The following CCSER1 variants were observed in gnomAD, a reference collection of about 807,000 sequenced individuals.
The protein encoded by CCSER1 is coiled-coil serine rich protein 1.
A neutral mutation model predicts 82.0 loss-of-function variants in CCSER1; 41 were observed. The observed-to-expected ratio is 0.50, with a 90% CI of 0.39 to 0.65. The LOEUF (loss-of-function observed/expected upper bound fraction) is 0.65, where lower values mean the gene tolerates loss of function less well. CCSER1 is among the 30% of genes least tolerant of loss of function. The pLI, the probability that CCSER1 is intolerant of heterozygous loss-of-function variation, is 0.00. For missense variants in CCSER1, 1,119 were observed against 1,064.2 expected, an observed-to-expected ratio of 1.05 and a Z score of -0.72; for synonymous variants, 414 against 383.9, an observed-to-expected ratio of 1.08 and a Z score of -0.92.
At chr4:90,903,896 CAT>C (rs1725054470) in intron 8 of CCSER1, among the ~76,000 whole-genome samples, 1 of 149,942 alleles carries the variant, frequency 6.7e-6, no homozygotes, top group Non-Finnish European at 1.5e-5. Flanking sequence ...AAGTAGTAAA[CAT>C]AGACATACAT....
At position 91,342,979 on chromosome 4, in the gene CCSER1, C is replaced by A. The variant is rs570246754; in HGVS notation, c.2218-255593C>A. ...AGTTTATTATATTTTTATATGTAAG[C>A]AAATAAATGACATTCCCGTACTAGG... On this transcript the variant is annotated intron_variant, in intron 10 of 10. Transcript: ENST00000509176. Among the ~76,000 whole-genome samples, 3 of 152,014 alleles carry A rather than the reference C, an allele frequency of 2.0e-5. No homozygotes were observed. In the South Asian group the frequency reaches 6.2e-4, roughly 32 times the overall value.
intron 5 of CCSER1, among the ~76,000 whole-genome samples, chr4:90,541,110 TG>T (rs1006828533): frequency 6.6e-6 from 1 of 152,034 alleles, no homozygotes; most frequent in Non-Finnish European, 1.5e-5. Context: ...TCTTTCATCC[TG>T]GCCTGATGCT....
chr4:90,158,410 G>A (rs1728743192), intron 1 of CCSER1, among the ~76,000 whole-genome samples: 1 of 152,208 alleles, frequency 6.6e-6, no homozygotes, highest in Non-Finnish European at 1.5e-5. Flanking sequence ...CCTCAAAGCT[G>A]TCAGACAGGG....
At chr4:90,564,293 T>G (rs887343811) in intron 5 of CCSER1, among the ~76,000 whole-genome samples, 2 of 152,134 alleles carry the variant, frequency 1.3e-5, no homozygotes, top group African/African-American at 2.4e-5. Context: ...GGGCCTCAAG[T>G]GATCCTCCGC....
At chr4:90,472,357 C>A (rs1764513462) in intron 5 of CCSER1, among the ~76,000 whole-genome samples, 1 of 152,040 alleles carries the variant, frequency 6.6e-6, no homozygotes, top group Admixed American at 6.6e-5. Flanking sequence ...TAGTTATATT[C>A]TGATGATAAA....
At chr4:90,799,944 G>A (rs1024021789) in intron 7 of CCSER1, among the ~76,000 whole-genome samples, 5 of 152,176 alleles carry the variant, frequency 3.3e-5, no homozygotes, top group South Asian at 2.1e-4. Flanking sequence ...TTCCCTGGGA[G>A]CCACTGGGGG....
intron 5 of CCSER1, among the ~76,000 whole-genome samples, chr4:90,543,260 T>C (rs1176627082): frequency 6.6e-6 from 1 of 152,116 alleles, no homozygotes; most frequent in Non-Finnish European, 1.5e-5. Context: ...AAAAACACAC[T>C]GAGTTACTAT....
chr4:91,360,247 A>G (rs1431168582), intron 10 of CCSER1, among the ~76,000 whole-genome samples: 1 of 151,798 alleles, frequency 6.6e-6, no homozygotes. Flanking sequence ...TACCAATGCC[A>G]TTTTTCTTCC....
intron 9 of CCSER1, among the ~76,000 whole-genome samples, chr4:91,033,875 T>A (rs1041917217): frequency 3.9e-5 from 6 of 152,180 alleles, no homozygotes; most frequent in Non-Finnish European, 8.8e-5. Context: ...AATATAATGA[T>A]TGACCAATTC....
At chr4:90,825,309 A>G (rs889498004) in intron 8 of CCSER1, among the ~76,000 whole-genome samples, 1 of 152,200 alleles carries the variant, frequency 6.6e-6, no homozygotes, top group African/African-American at 2.4e-5. Flanking sequence ...AAACAGTTGA[A>G]TATTTTGGAT....
chr4:90,913,006 G>A (rs13127482), intron 8 of CCSER1, among the ~76,000 whole-genome samples: 3,463 of 152,278 alleles, frequency 0.023, 55 homozygotes, highest in Middle Eastern at 0.034. Flanking sequence ...CCAAATCTGC[G>A]TCTGATTGGT....
At chr4:91,376,902 C>CCCCCTCTT (rs1553930092) in intron 10 of CCSER1, among the ~76,000 whole-genome samples, 3 of 142,784 alleles carry the variant, frequency 2.1e-5, no homozygotes, top group Admixed American at 7.2e-5. Flanking sequence ...TACTATCCCT[C>CCCCCTCTT]CCCCCACCCA....
At chr4:91,355,012 T>G (rs959907818) in intron 10 of CCSER1, among the ~76,000 whole-genome samples, 1 of 152,146 alleles carries the variant, frequency 6.6e-6, no homozygotes, top group Non-Finnish European at 1.5e-5. Flanking sequence ...TTTTCTTTAT[T>G]TTATTTTGGG....
At chr4:90,854,992 T>TGC (rs1033440335) in intron 8 of CCSER1, among the ~76,000 whole-genome samples, 2 of 151,802 alleles carry the variant, frequency 1.3e-5, no homozygotes, top group African/African-American at 2.4e-5. Context: ...CGAGAGAGTG[T>TGC]GTGTGTGTGT....
At chr4:91,152,399 G>A (rs999918458) in intron 10 of CCSER1, among the ~76,000 whole-genome samples, 2 of 152,120 alleles carry the variant, frequency 1.3e-5, no homozygotes, top group African/African-American at 4.8e-5. Context: ...CCTGAATACA[G>A]CACACTGATG....
intron 4 of CCSER1, among the ~76,000 whole-genome samples, chr4:90,458,639 G>A (rs1035831029): frequency 1.3e-5 from 2 of 152,206 alleles, no homozygotes; most frequent in African/African-American, 2.4e-5. Context: ...AAAGGCGTGA[G>A]CCACCATGCC....
At chr4:90,413,182 C>T (rs954810121) in intron 4 of CCSER1, among the ~76,000 whole-genome samples, 29 of 152,150 alleles carry the variant, frequency 1.9e-4, no homozygotes, top group Admixed American at 6.5e-5. Flanking sequence ...ATGAAGAACA[C>T]AACCCCTTTC....
intron 10 of CCSER1, among the ~76,000 whole-genome samples, chr4:91,467,330 C>T (rs565505468): frequency 2.1e-4 from 32 of 152,172 alleles, no homozygotes; most frequent in Admixed American, 5.2e-4. Flanking sequence ...CCCTTCCTTA[C>T]ACCTTACACA....
intron 5 of CCSER1, among the ~76,000 whole-genome samples, chr4:90,555,354 T>C (rs1310397682): frequency 6.6e-6 from 1 of 152,146 alleles, no homozygotes; most frequent in Admixed American, 6.5e-5. Flanking sequence ...TTCTCTTTTA[T>C]ATTCTGTTAG....
Sources: allele counts gnomAD v4.1 joint callset (sites outside exome capture counted in the v4.1 genomes callset), GRCh38; gene constraint gnomAD v4.1.1; transcripts MANE v1.5; gene names NCBI Gene and HGNC (gene_info 2026-07-23, HGNC 2026-07-21).